Variants in HEATR1 observed in about 807,000 individuals in gnomAD.
The protein encoded by HEATR1 is HEAT repeat-containing protein 1.
In HEATR1, 77 loss-of-function variants were observed where a neutral mutation model predicts 248.2. That is an observed-to-expected ratio of 0.31 (90% CI 0.26 to 0.37). The LOEUF (loss-of-function observed/expected upper bound fraction) is 0.37. Among genes scored for constraint, HEATR1 ranks in the 10% least tolerant of loss-of-function variants. The pLI is 1.00. For synonymous variants in HEATR1, 897 were observed against 923.1 expected (o/e 0.97, Z 0.51); for missense variants, 2,420 against 2,504.9 (o/e 0.97, Z 0.72).
rs1664050506 is a variant in HEATR1, at chr1:236,591,999, C to T, written c.1416G>A (p.Lys472=). 1 of 1,573,526 alleles carries T rather than the reference C, an allele frequency of 6.4e-7. No homozygotes were observed. The highest frequency in any genetic ancestry group is 1.3e-5 in the African/African-American group (1 of 74,124). Residue 472 remains lysine, a synonymous_variant, in exon 11 of 45, where the codon AAG becomes AAA. Coordinates refer to ENST00000366582, the MANE Select transcript of HEATR1 (RefSeq NM_018072.6). ...CCTTTGGAGAACAACATACCTGATA[C>T]TTTCCTCCACTTGTAGAAAGAGAAA... ...QFVSLSTSGG[K]YQFLADSDTS...
intron 17 of HEATR1, among the ~76,000 whole-genome samples, chr1:236,584,030 C>T (rs1184587637): frequency 2.6e-5 from 4 of 152,054 alleles, no homozygotes; most frequent in African/African-American, 9.7e-5. Context: ...ACAAGCAGTA[C>T]AGAGTAATAA....
At chr1:236,568,903 A>AT in intron 29 of HEATR1, 93 bp downstream of exon 29, 2 of 925,196 alleles carry the variant, frequency 2.2e-6, no homozygotes, top group South Asian at 3.5e-5. Context: ...AAAAACAAAA[A>AT]AAAAAAACTA....
chr1:236,560,504 G>A (rs897171639), intron 33 of HEATR1, among the ~76,000 whole-genome samples: 1 of 152,120 alleles, frequency 6.6e-6, no homozygotes, highest in Non-Finnish European at 1.5e-5. Flanking sequence ...GGAGAAGGGG[G>A]CGCAGACAAA....
chr1:236,602,358 C>G (rs1254990644), intron 3 of HEATR1, among the ~76,000 whole-genome samples: 2 of 152,162 alleles, frequency 1.3e-5, no homozygotes, highest in South Asian at 2.1e-4. Flanking sequence ...GTTTTCTCAA[C>G]TGTAAAACAA....
intron 39 of HEATR1, 56 bp downstream of exon 39, chr1:236,555,749 A>T: frequency 2.5e-6 from 4 of 1,610,526 alleles, no homozygotes; most frequent in Non-Finnish European, 3.4e-6. Context: ...TTGTTCTCGG[A>T]CTCTTCAATA....
chr1:236,586,028 T>C, intron 15 of HEATR1, 87 bp from the exon 16 acceptor site: 2 of 1,499,022 alleles, frequency 1.3e-6, no homozygotes, highest in Non-Finnish European at 1.8e-6. Flanking sequence ...ATTTTACTAT[T>C]GTTTATGAAG....
chr1:236,564,563 G>T lies in HEATR1; in HGVS notation c.4534C>A (p.His1512Asn). The change falls in exon 32 of 45, where the codon CAT becomes AAT. Residue 1512 changes from histidine (H) to asparagine (N), a missense_variant. Physicochemically the swap from His to Asn is moderately conservative, Grantham distance 68. Coordinates refer to ENST00000366582, the MANE Select transcript of HEATR1 (RefSeq NM_018072.6). ...AAGGACACTGACAAAAATTTAAAAT[G>T]CCGCAGTTGCTTGCTAGTGTGAGTC... Reference protein sequence around the residue: ...VETHTSKQLRHFKFLSVSFMS... With the variant: ...VETHTSKQLRNFKFLSVSFMS... The T allele has an allele frequency of 6.2e-7, 1 of 1,614,002 alleles. No homozygotes were observed.
intron 34 of HEATR1, 48 bp downstream of exon 34, chr1:236,559,666 T>A (rs754830810): frequency 8.4e-6 from 13 of 1,547,550 alleles, no homozygotes; most frequent in African/African-American, 5.5e-5. Context: ...CACAATAATT[T>A]AAAAAACAGC....
chr1:236,580,601 T>A (rs1209319093), intron 20 of HEATR1, among the ~76,000 whole-genome samples: 7 of 148,080 alleles, frequency 4.7e-5, no homozygotes, highest in African/African-American at 1.7e-4. Context: ...ACTGCAGCCT[T>A]GACCTCCCAG....
At chr1:236,576,112 T>C (rs1663555140) in intron 22 of HEATR1, 107 bp downstream of exon 22, 1 of 774,530 alleles carries the variant, frequency 1.3e-6, no homozygotes, top group Non-Finnish European at 2.0e-6. Context: ...TTATCTCTTC[T>C]GAGCGCACAC....
intron 24 of HEATR1, 84 bp downstream of exon 24, chr1:236,574,118 A>C (rs993906114): frequency 1.7e-5 from 21 of 1,252,232 alleles, no homozygotes; most frequent in African/African-American, 3.1e-5. Flanking sequence ...CAAGCACTAT[A>C]AAATACAGGA....
intron 11 of HEATR1, among the ~76,000 whole-genome samples, chr1:236,591,316 T>C (rs1461922319): frequency 6.6e-6 from 1 of 152,188 alleles, no homozygotes; most frequent in Non-Finnish European, 1.5e-5. Flanking sequence ...CTACATGATA[T>C]AACAAATAGT....
chr1:236,553,576 C>T lies in HEATR1; in HGVS notation c.6237+5G>A. Reference sequence around the variant, plus strand: ...AGTTTCAGTACTTGTCACGCAGTTCCTAACCTTAGGCGAGGAGTCTCTCGT... The same window carrying T: ...AGTTTCAGTACTTGTCACGCAGTTCTTAACCTTAGGCGAGGAGTCTCTCGT... On this transcript the variant is annotated splice_donor_5th_base_variant and intron_variant, in intron 43 of 44. Transcript: ENST00000366582. 1 of 1,612,974 alleles carries T rather than the reference C, an allele frequency of 6.2e-7. No homozygotes were observed. Among genetic ancestry groups the T allele is most frequent in the Non-Finnish European group, 8.5e-7 (1 of 1,179,478 alleles).
intron 20 of HEATR1, among the ~76,000 whole-genome samples, chr1:236,580,216 T>G (rs917682800): frequency 3.3e-5 from 5 of 152,230 alleles, no homozygotes; most frequent in Admixed American, 6.5e-5. Flanking sequence ...ATAAAAAAAC[T>G]TAACTTTCAG....
At chr1:236,560,279 G>C (rs1021817207) in intron 33 of HEATR1, among the ~76,000 whole-genome samples, 2 of 151,844 alleles carry the variant, frequency 1.3e-5, no homozygotes, top group African/African-American at 4.8e-5. Flanking sequence ...TTTATATAAA[G>C]AGAAATATTA....
chr1:236,574,933 G>A lies in HEATR1; in HGVS notation c.3085-30C>T, dbSNP rs193029471. 7.5e-6 allele frequency: 12 copies of A among 1,601,744 alleles called. No individual in the cohort carries two copies. The African/African-American group carries it at 1.5e-4, about 20-fold the overall frequency. ...AGATCCAAAGACTTAGTAGTAAATA[G>A]TTATGTATACTGATATGTTTTTGCT... On this transcript the variant is annotated intron_variant, in intron 22 of 44. Coordinates refer to ENST00000366582, the MANE Select transcript of HEATR1 (RefSeq NM_018072.6).
intron 8 of HEATR1, among the ~76,000 whole-genome samples, 171 bp from the exon 9 acceptor site, chr1:236,594,285 T>C (rs893377770): frequency 6.6e-6 from 1 of 152,258 alleles, no homozygotes; most frequent in African/African-American, 2.4e-5. Context: ...TTATATTTTT[T>C]AAAGCTCTTT....
At chr1:236,580,889 G>A (rs530248310) in intron 20 of HEATR1, among the ~76,000 whole-genome samples, 2 of 143,662 alleles carry the variant, frequency 1.4e-5, no homozygotes, top group East Asian at 4.1e-4. Flanking sequence ...GCACAATCTC[G>A]GCTCACTGCA....
At chr1:236,603,802 T>C (rs1664392254) in intron 2 of HEATR1, 152 bp downstream of exon 2, 4 of 837,110 alleles carry the variant, frequency 4.8e-6, no homozygotes, top group East Asian at 2.8e-5. Flanking sequence ...CTGACTGTTA[T>C]GTTCTCTTTC....
Sources: gnomAD v4.1 joint callset for allele counts (sites outside exome capture counted in the v4.1 genomes callset) on GRCh38, gnomAD v4.1.1 for gene constraint, MANE v1.5 for transcripts, NCBI Gene and HGNC (gene_info 2026-07-23, HGNC 2026-07-21) for gene names.